The following SYT16 variants were observed in gnomAD, a reference collection of about 807,000 sequenced individuals.
SYT16 encodes the protein synaptotagmin-16.
Under a neutral mutation model 61.4 loss-of-function variants are expected in SYT16, and 42 were observed. The ratio of observed to expected loss-of-function variants is 0.68; its 90% CI spans 0.53 to 0.89. The LOEUF is 0.89. SYT16 is among the 40% of genes least tolerant of loss of function. The probability of loss-of-function intolerance (pLI) is 0.00; values close to 1 mark genes in which losing one functional copy is unlikely to be tolerated. For missense variants in SYT16, 804 were observed against 807.3 expected (o/e 1.00, Z 0.05); for synonymous variants, 314 against 302.3 (o/e 1.04, Z -0.40).
At chr14:61,941,605 G>A (rs1039249216) in intron 1 of SYT16, among the ~76,000 whole-genome samples, 3 of 151,892 alleles carry the variant, frequency 2.0e-5, no homozygotes, top group African/African-American at 7.3e-5. Context: ...ATCTTCCCTT[G>A]CCCCAGCCTG....
chr14:61,864,868 C>A, intron 1 of SYT16: 1 of 1,172,566 alleles, frequency 8.5e-7, no homozygotes, highest in Non-Finnish European at 1.3e-6. Flanking sequence ...CCCAGCCACC[C>A]CCGGCGGAGA....
At chr14:62,048,270 G>A (rs2055091663) in intron 3 of SYT16, among the ~76,000 whole-genome samples, 1 of 152,208 alleles carries the variant, frequency 6.6e-6, no homozygotes, top group Admixed American at 6.5e-5. Flanking sequence ...GCATGGAGGT[G>A]TTTATAGTAT....
At chr14:61,963,994 C>T (rs1038844945) in intron 1 of SYT16, among the ~76,000 whole-genome samples, 3 of 152,140 alleles carry the variant, frequency 2.0e-5, no homozygotes, top group Admixed American at 6.6e-5. Flanking sequence ...GCTGTTGAGA[C>T]TTACTGCTCA....
intron 7 of SYT16, among the ~76,000 whole-genome samples, chr14:62,092,542 A>C (rs370610638): frequency 4.6e-5 from 7 of 152,166 alleles, no homozygotes; most frequent in African/African-American, 1.7e-4. Flanking sequence ...AATACTATTC[A>C]ACCTTAAAAA....
At chr14:62,092,058 T>G (rs998503559) in intron 7 of SYT16, among the ~76,000 whole-genome samples, 1 of 151,964 alleles carries the variant, frequency 6.6e-6, no homozygotes, top group Non-Finnish European at 1.5e-5. Context: ...TCCTCCAAAG[T>G]TGATATATAA....
chr14:62,022,608 A>G (rs1215405004), intron 3 of SYT16, among the ~76,000 whole-genome samples: 2 of 148,758 alleles, frequency 1.3e-5, no homozygotes, highest in African/African-American at 5.1e-5. Context: ...CTCCTTCTAT[A>G]ATTTGTATTA....
chr14:61,832,320 G>T, intron 1 of SYT16: 1 of 586,740 alleles, frequency 1.7e-6, no homozygotes, highest in South Asian at 1.4e-5. Context: ...AGACACCAAG[G>T]TGGAAATTGC....
At chr14:62,092,224 ACACT>A (rs1334581577) in intron 7 of SYT16, among the ~76,000 whole-genome samples, 7 of 138,274 alleles carry the variant, frequency 5.1e-5, no homozygotes, top group Admixed American at 3.5e-4. Context: ...ACACACACAC[ACACT>A]AACAAGTGTT....
rs1289497787 is a variant in SYT16 at position 62,080,991 on chromosome 14, G to T, written c.1151G>T (p.Gly384Val). 2.5e-6 allele frequency: 4 copies of T among 1,613,302 alleles called. No individual in the cohort carries two copies. The Admixed American group carries it at 6.7e-5, about 27-fold the overall frequency. ...AQGLPDKDRSGVNSWQVHVVL... is the reference protein window; with the variant it reads ...AQGLPDKDRSVVNSWQVHVVL... ...GGCCTCCCAGATAAGGACCGAAGTGGTGTCAACTCCTGGCAAGTTCATGTA... is the reference window on the plus strand; with the variant it reads ...GGCCTCCCAGATAAGGACCGAAGTGTTGTCAACTCCTGGCAAGTTCATGTA... Residue 384 changes from glycine to valine, a missense_variant, in exon 6 of 8, where the codon GGT becomes GTT. Physicochemically the swap from Gly to Val is moderately radical, Grantham distance 109. Coordinates refer to ENST00000683842, the MANE Select transcript of SYT16 (RefSeq NM_001367656.1).
At chr14:61,981,433 T>TA in intron 2 of SYT16, among the ~76,000 whole-genome samples, 1 of 152,194 alleles carries the variant, frequency 6.6e-6, no homozygotes, top group African/African-American at 2.4e-5. Flanking sequence ...AAATCTTCAC[T>TA]AAAAAAACTT....
chr14:62,046,473 C>T (rs2054991144), intron 3 of SYT16, among the ~76,000 whole-genome samples: 1 of 152,066 alleles, frequency 6.6e-6, no homozygotes, highest in Non-Finnish European at 1.5e-5. Context: ...TCCCATTTGC[C>T]AATTTTGGCT....
intron 1 of SYT16, among the ~76,000 whole-genome samples, chr14:61,813,570 C>G (rs569936518): frequency 6.6e-6 from 1 of 152,192 alleles, no homozygotes; most frequent in Non-Finnish European, 1.5e-5. Context: ...TCCAAAGTCC[C>G]TAGCACAGGT....
chr14:61,906,852 A>G (rs1209270390), intron 1 of SYT16, among the ~76,000 whole-genome samples: 2 of 149,680 alleles, frequency 1.3e-5, no homozygotes, highest in Non-Finnish European at 3.0e-5. Context: ...CTATCCGCCT[A>G]TGATGTGCCA....
intron 1 of SYT16, among the ~76,000 whole-genome samples, chr14:61,926,822 C>T (rs2140417009): frequency 6.6e-6 from 1 of 152,282 alleles, no homozygotes; most frequent in East Asian, 1.9e-4. Flanking sequence ...GGGTTCAGGG[C>T]TTTCAGTTTC....
intron 2 of SYT16, among the ~76,000 whole-genome samples, chr14:61,973,418 G>A (rs188312334): frequency 1.8e-4 from 28 of 152,126 alleles, no homozygotes; most frequent in Admixed American, 1.4e-3. Context: ...ATTGTTATTC[G>A]AAGTATTTTA....
At chr14:61,865,263 G>C (rs2047110846) in intron 1 of SYT16, 1 of 839,342 alleles carries the variant, frequency 1.2e-6, no homozygotes, top group African/African-American at 1.7e-5. Flanking sequence ...ATGGAGGTGA[G>C]CATCTGTCTT....
chr14:62,051,303 T>A lies in SYT16; in HGVS notation c.524-18300T>A, dbSNP rs904043498. ...GGATATAATCTCCTGGTGTGCTGTT[T>A]GTTAAGCCCTTTGGAAAAGTGCAGT... On this transcript the variant is annotated intron_variant, in intron 3 of 7. Transcript: ENST00000683842. 6.6e-5 allele frequency among the ~76,000 whole-genome samples: 10 copies of A among 152,224 alleles called. 1 individual carries two copies.
intron 3 of SYT16, among the ~76,000 whole-genome samples, chr14:62,043,769 C>A (rs2054844032): frequency 6.6e-6 from 1 of 151,886 alleles, no homozygotes; most frequent in African/African-American, 2.4e-5. Context: ...TGTTTTTCAT[C>A]CCTAACCTGT....
In SYT16 at chr14:61,982,429, TAGAG is replaced by T. The variant is rs2052122088; in HGVS notation, c.-145+12122_-145+12125del. Among the ~76,000 whole-genome samples, 4 of 152,112 alleles carry T rather than the reference TAGAG, an allele frequency of 2.6e-5. No homozygotes were observed. In the South Asian group the frequency reaches 8.3e-4, roughly 32 times the overall value. ...ACGTCTTACATGGCAGCAGGCAAGA[TAGAG>T]AGAATGAGAGCCAAATGAAAGGGAT... On this transcript the variant is annotated intron_variant, in intron 2 of 7. Transcript: ENST00000683842.
Sources: allele counts gnomAD v4.1 joint callset (sites outside exome capture counted in the v4.1 genomes callset), GRCh38; gene constraint gnomAD v4.1.1; transcripts MANE v1.5; gene names NCBI Gene and HGNC (gene_info 2026-07-23, HGNC 2026-07-21).